The following ADGRB3 variants were observed in gnomAD, a reference collection of about 807,000 sequenced individuals.
The protein encoded by ADGRB3 is brain-specific angiogenesis inhibitor 3.
A neutral mutation model predicts 193.4 loss-of-function variants in ADGRB3; 37 were observed. That is an observed-to-expected ratio of 0.19 (90% confidence interval 0.15 to 0.25). The LOEUF is 0.25. Ranked by LOEUF, ADGRB3 falls within the 10% of genes least tolerant of loss-of-function variation. The pLI is 1.00. For synonymous variants in ADGRB3, 690 were observed against 644.2 expected (o/e 1.07, Z -1.08); for missense variants, 1,637 against 1,852.9 (o/e 0.88, Z 2.14).
chr6:68,821,329 A>T (rs996706411), intron 3 of ADGRB3, among the ~76,000 whole-genome samples: 2 of 151,948 alleles, frequency 1.3e-5, no homozygotes, highest in Non-Finnish European at 2.9e-5. Flanking sequence ...CATAAGCGTA[A>T]ATTACTTTAC....
chr6:69,018,587 A>G lies in ADGRB3; in HGVS notation c.2107+88A>G, dbSNP rs559310127. Reference sequence around the variant, plus strand: ...CCATACGTTTCCAAGTATAATATTCATTATTCATATGTTTAACTGCATGTG... The same window carrying G: ...CCATACGTTTCCAAGTATAATATTCGTTATTCATATGTTTAACTGCATGTG... On this transcript the variant is annotated intron_variant, in intron 13 of 31. Transcript: ENST00000370598. 4 of 813,354 alleles carry G rather than the reference A, an allele frequency of 4.9e-6. No homozygotes were observed. In the African/African-American group the frequency reaches 6.9e-5, roughly 14 times the overall value. The allele number at this position is 813,354 out of a possible 1,614,324, so 50.4% of individuals were successfully genotyped here.
chr6:68,982,861 T>C (rs1284108479), intron 10 of ADGRB3, among the ~76,000 whole-genome samples: 2 of 152,170 alleles, frequency 1.3e-5, no homozygotes, highest in Admixed American at 6.5e-5. Context: ...TCACCCGTGC[T>C]TGACCCTCAA....
chr6:69,270,328 G>T (rs1016097675), intron 20 of ADGRB3, among the ~76,000 whole-genome samples: 1 of 152,142 alleles, frequency 6.6e-6, no homozygotes, highest in Non-Finnish European at 1.5e-5. Flanking sequence ...CTGGGATTTG[G>T]TGTACTTCCT....
At chr6:69,008,299 T>A (rs536461524) in intron 11 of ADGRB3, among the ~76,000 whole-genome samples, 1 of 152,274 alleles carries the variant, frequency 6.6e-6, no homozygotes, top group South Asian at 2.1e-4. Flanking sequence ...TTCACAGCAC[T>A]TAGAACAGAA....
chr6:69,290,363 C>A (rs1336470312), intron 20 of ADGRB3, among the ~76,000 whole-genome samples: 1 of 151,642 alleles, frequency 6.6e-6, no homozygotes, highest in African/African-American at 2.4e-5. Context: ...AGTGGTAGAT[C>A]TAAAATAATT....
chr6:69,033,058 A>C (rs1402409841), intron 13 of ADGRB3, among the ~76,000 whole-genome samples: 1 of 152,290 alleles, frequency 6.6e-6, no homozygotes, highest in East Asian at 1.9e-4. Flanking sequence ...TTAGTATCCT[A>C]CATTTTAAAA....
rs1380438707 is a variant in ADGRB3 at position 68,725,460 on chromosome 6, AGAT to A, written c.757+86032_757+86034del. On this transcript the variant is annotated intron_variant, in intron 3 of 31. Transcript: ENST00000370598. ...TGCCAAAGATATGAAATAAGCCAGA[AGAT>A]GATATTACCCAGAATGAGATGTATT... 5.3e-5 allele frequency among the ~76,000 whole-genome samples: 8 copies of A among 151,814 alleles called. No homozygotes were observed. The East Asian group carries it at 1.6e-3, about 30-fold the overall frequency.
intron 3 of ADGRB3, among the ~76,000 whole-genome samples, chr6:68,848,197 A>C (rs887921095): frequency 6.6e-6 from 1 of 152,136 alleles, no homozygotes; most frequent in African/African-American, 2.4e-5. Context: ...TTTTAAAAAA[A>C]CAATGAAGAG....
intron 3 of ADGRB3, among the ~76,000 whole-genome samples, chr6:68,720,982 A>T (rs1012723134): frequency 6.6e-6 from 1 of 151,756 alleles, no homozygotes; most frequent in African/African-American, 2.4e-5. Context: ...CGAGATATAC[A>T]CCTAAATGGA....
At chr6:68,952,425 A>T (rs560818650) in intron 6 of ADGRB3, among the ~76,000 whole-genome samples, 7 of 152,092 alleles carry the variant, frequency 4.6e-5, no homozygotes, top group Non-Finnish European at 7.4e-5. Flanking sequence ...TTAAATTTAT[A>T]TATTCATCTC....
At chr6:69,228,285 G>C (rs1849304) in intron 17 of ADGRB3, among the ~76,000 whole-genome samples, 9,736 of 152,136 alleles carry the variant, frequency 0.064, 844 homozygotes, top group African/African-American at 0.18. Context: ...CATTACATGA[G>C]CTGAACATTT....
At chr6:68,880,981 A>G (rs1049179210) in intron 3 of ADGRB3, among the ~76,000 whole-genome samples, 2 of 152,108 alleles carry the variant, frequency 1.3e-5, no homozygotes, top group African/African-American at 2.4e-5. Context: ...GGTGAGAAAA[A>G]TTTTATTTTT....
rs1246111730 is a variant in ADGRB3, at chr6:68,812,173, G to A, written c.758-118386G>A. Among the ~76,000 whole-genome samples, 9 of 152,100 alleles carry A rather than the reference G, an allele frequency of 5.9e-5. No individual in the cohort carries two copies. The East Asian group carries it at 7.7e-4, about 13-fold the overall frequency. On this transcript the variant is annotated intron_variant, in intron 3 of 31. Transcript: ENST00000370598. ...GTAGATTAACCTGATTACTGCAGAG[G>A]CCTAATATAAGAAGTGTATATGTGG...
At position 69,233,341 on chromosome 6, in the gene ADGRB3, C is replaced by T. The variant is rs1582564948; in HGVS notation, c.2532C>T (p.Thr844=). 5 of 1,614,024 alleles carry T rather than the reference C, an allele frequency of 3.1e-6. No homozygotes were observed. Among genetic ancestry groups the T allele is most frequent in the Non-Finnish European group, 3.4e-6 (4 of 1,179,980 alleles). The change falls in exon 18 of 32, where the codon ACC becomes ACT. Residue 844 remains threonine (T), a synonymous_variant. Transcript: ENST00000370598. ...WSTQGCKTVL[T]DASHTKCLCD... is the part of the protein sequence containing the mutation. ...CCCAGGGATGTAAAACTGTGCTTAC[C>T]GATGCATCCCATACGAAATGCTTAT...
intron 3 of ADGRB3, among the ~76,000 whole-genome samples, chr6:68,657,477 T>C (rs903930199): frequency 2.6e-5 from 4 of 151,448 alleles, no homozygotes; most frequent in Non-Finnish European, 4.4e-5. Flanking sequence ...TTTTATGCTA[T>C]GTTTTTGAAT....
Position 68,940,547 on chromosome 6 carries a change from CTTTT to C in ADGRB3, c.1031-3265_1031-3262del. On this transcript the variant is annotated intron_variant, in intron 5 of 31. Transcript: ENST00000370598. ...CTGCAGGCTAAGGAATGCTTTTGAA[CTTTT>C]TTTTTTTTTTTTTTTTTGCTAAATG... Among the ~76,000 whole-genome samples, 40 of 69,210 alleles carry C rather than the reference CTTTT, an allele frequency of 5.8e-4. 1 individual carries two copies. The South Asian group carries it at 8.8e-3, about 15-fold the overall frequency. 45.4% of individuals were successfully genotyped at this position (69,210 alleles called of 152,430 possible).
intron 17 of ADGRB3, among the ~76,000 whole-genome samples, chr6:69,214,947 A>G (rs1190154767): frequency 6.6e-6 from 1 of 152,128 alleles, no homozygotes; most frequent in Non-Finnish European, 1.5e-5. Flanking sequence ...CATAGCATAT[A>G]CTTCCTGATA....
At chr6:68,729,712 T>G (rs1765736021) in intron 3 of ADGRB3, among the ~76,000 whole-genome samples, 1 of 151,656 alleles carries the variant, frequency 6.6e-6, no homozygotes, top group African/African-American at 2.4e-5. Flanking sequence ...CTGTTGCTAT[T>G]ATGGTGACAC....
chr6:69,180,967 A>C (rs1484680866), intron 17 of ADGRB3, among the ~76,000 whole-genome samples: 1 of 152,146 alleles, frequency 6.6e-6, no homozygotes, highest in Non-Finnish European at 1.5e-5. Context: ...CAGAGTACCC[A>C]AGCCTCTCTG....
Sources: gnomAD v4.1 joint callset for allele counts (sites outside exome capture counted in the v4.1 genomes callset) on GRCh38, gnomAD v4.1.1 for gene constraint, MANE v1.5 for transcripts, NCBI Gene and HGNC (gene_info 2026-07-23, HGNC 2026-07-21) for gene names.